Variants in EPB41L2 observed in about 807,000 individuals in gnomAD.
EPB41L2 encodes the protein band 4.1-like protein 2.
Under a neutral mutation model 113.0 loss-of-function variants are expected in EPB41L2, and 43 were observed. The ratio of observed to expected loss-of-function variants is 0.38; its 90% CI spans 0.30 to 0.49. EPB41L2 has a LOEUF of 0.49. EPB41L2 is among the 20% of genes least tolerant of loss of function. The pLI is 0.95. For missense variants in EPB41L2, 1,147 were observed against 1,223.4 expected (o/e 0.94, Z 0.93); for synonymous variants, 442 against 436.7 (o/e 1.01, Z -0.15).
chr6:131,033,058 T>C (rs1792542280), intron 1 of EPB41L2, among the ~76,000 whole-genome samples: 1 of 151,988 alleles, frequency 6.6e-6, no homozygotes, highest in African/African-American at 2.4e-5. Context: ...GTAGTTTTAG[T>C]AGAGACAGGG....
At position 130,878,219 on chromosome 6, in the gene EPB41L2, T is replaced by C; in HGVS notation, c.1928A>G (p.Lys643Arg). The C allele has an allele frequency of 6.2e-7, 1 of 1,613,070 alleles. No homozygotes were observed. Among genetic ancestry groups the C allele is most frequent in the Non-Finnish European group, 8.5e-7 (1 of 1,179,616 alleles). The change falls in exon 14 of 20, where the codon AAA becomes AGA. Residue 643 changes from lysine (K) to arginine (R), a missense_variant. Physicochemically the swap from Lys to Arg is conservative, Grantham distance 26. Transcript: ENST00000337057. ...GAGTTCACTAATGCTAGCCTGATGT[T>C]TCAGTATGTCCTCCTGGGCCTTATC... The part of the protein sequence containing the change: ...ELDKAQEDIL[K>R]HQASISELKR...
rs770241476 is a variant in EPB41L2, at chr6:130,908,887, T to A, written c.811-24A>T. ...TTCTGCATGAGGGAAAAAAATTAAT[T>A]CATAAGAAATATTCTAGAGTCTAAA... is the stretch of plus-strand genomic sequence containing the variant. On this transcript the variant is annotated intron_variant, in intron 4 of 19. Coordinates refer to ENST00000337057, the MANE Select transcript of EPB41L2 (RefSeq NM_001431.4). The A allele has an allele frequency of 6.4e-6, 10 of 1,557,856 alleles. No individual in the cohort carries two copies. In the East Asian group the frequency reaches 1.6e-4, roughly 25 times the overall value.
At chr6:130,932,037 C>A (rs1311365839) in intron 3 of EPB41L2, among the ~76,000 whole-genome samples, 3 of 152,094 alleles carry the variant, frequency 2.0e-5, no homozygotes, top group Non-Finnish European at 4.4e-5. Context: ...AAATGTTTGG[C>A]TTATTACATG....
At chr6:131,023,883 T>C (rs1790210978) in intron 1 of EPB41L2, among the ~76,000 whole-genome samples, 1 of 151,946 alleles carries the variant, frequency 6.6e-6, no homozygotes, top group African/African-American at 2.4e-5. Context: ...AAACAAATAT[T>C]GGAGAAAACT....
chr6:131,004,144 C>T (rs1784945145), intron 1 of EPB41L2, among the ~76,000 whole-genome samples: 1 of 152,136 alleles, frequency 6.6e-6, no homozygotes, highest in Admixed American at 6.5e-5. Flanking sequence ...ACAGTCCCTG[C>T]TTCATGATAG....
chr6:130,931,236 C>T (rs1806725810), intron 3 of EPB41L2, among the ~76,000 whole-genome samples: 3 of 152,056 alleles, frequency 2.0e-5, no homozygotes, highest in Admixed American at 2.0e-4. Flanking sequence ...ATTTATTAAT[C>T]TACAATGATT....
chr6:131,018,394 A>C (rs1788719036), intron 1 of EPB41L2, among the ~76,000 whole-genome samples: 1 of 152,178 alleles, frequency 6.6e-6, no homozygotes, highest in Non-Finnish European at 1.5e-5. Flanking sequence ...AGCTATTTCT[A>C]AATGGGCACA....
At chr6:130,896,074 G>A (rs902655454) in intron 8 of EPB41L2, among the ~76,000 whole-genome samples, 5 of 152,110 alleles carry the variant, frequency 3.3e-5, no homozygotes, top group Non-Finnish European at 5.9e-5. Context: ...CACAAAAAAT[G>A]TTGCAACAAA....
Position 130,931,785 on chromosome 6 carries a change from C to T in EPB41L2, c.706-5076G>A, listed in dbSNP as rs533703851. On this transcript the variant is annotated intron_variant, in intron 3 of 19. Coordinates refer to ENST00000337057, the MANE Select transcript of EPB41L2 (RefSeq NM_001431.4). ...AAATTGTTCCTCAAAATAGTTCTTC[C>T]TTTCCCCCGAGATTCTGGTATGTTC... Among the ~76,000 whole-genome samples, 12 of 152,226 alleles carry T rather than the reference C, an allele frequency of 7.9e-5. No individual in the cohort carries two copies. The South Asian group carries it at 1.9e-3, about 24-fold the overall frequency.
intron 5 of EPB41L2, among the ~76,000 whole-genome samples, chr6:130,907,053 C>T (rs1220341963): frequency 6.6e-6 from 1 of 152,014 alleles, no homozygotes; most frequent in Non-Finnish European, 1.5e-5. Flanking sequence ...GTTAGGAAAT[C>T]TCCATGACTC....
chr6:130,997,028 G>GTA (rs756118091), intron 1 of EPB41L2, among the ~76,000 whole-genome samples: 2 of 152,170 alleles, frequency 1.3e-5, no homozygotes, highest in African/African-American at 2.4e-5. Context: ...GTGCCATGTG[G>GTA]TATAGATTTA....
chr6:130,987,590 G>A (rs112877462), intron 1 of EPB41L2, among the ~76,000 whole-genome samples: 2,656 of 152,206 alleles, frequency 0.017, 90 homozygotes, highest in African/African-American at 0.06. Flanking sequence ...CTACTCCGGA[G>A]GCTGAGGCAG....
At chr6:130,988,317 T>G (rs774183958) in intron 1 of EPB41L2, among the ~76,000 whole-genome samples, 16 of 152,206 alleles carry the variant, frequency 1.1e-4, no homozygotes, top group Non-Finnish European at 2.1e-4. Context: ...CTTTCAGGCA[T>G]ACTGAGTTTG....
At chr6:130,991,699 C>T (rs970010025) in intron 1 of EPB41L2, among the ~76,000 whole-genome samples, 5 of 151,986 alleles carry the variant, frequency 3.3e-5, no homozygotes, top group African/African-American at 1.2e-4. Context: ...AAATCATGGC[C>T]AAAAATAATA....
intron 1 of EPB41L2, among the ~76,000 whole-genome samples, chr6:130,972,836 G>A (rs918494779): frequency 2.7e-5 from 4 of 146,404 alleles, no homozygotes; most frequent in Non-Finnish European, 6.0e-5. Context: ...CGCCTGTAAT[G>A]TAATCCCAGC....
At chr6:130,932,482 AT>A (rs780432360) in intron 3 of EPB41L2, among the ~76,000 whole-genome samples, 20 of 152,206 alleles carry the variant, frequency 1.3e-4, no homozygotes, top group Non-Finnish European at 2.6e-4. Context: ...ATTTTGGGGT[AT>A]TGCCCCAGAT....
intron 19 of EPB41L2, among the ~76,000 whole-genome samples, chr6:130,852,591 T>C (rs1779087905): frequency 6.6e-6 from 1 of 152,128 alleles, no homozygotes; most frequent in Admixed American, 6.6e-5. Context: ...GATGTGTGAT[T>C]CTCCTCTGCT....
chr6:130,962,838 G>T (rs187055856), intron 1 of EPB41L2, among the ~76,000 whole-genome samples: 3 of 152,162 alleles, frequency 2.0e-5, no homozygotes, highest in Admixed American at 1.3e-4. Flanking sequence ...GGCCTCAAGG[G>T]TAGCTTCTAT....
intron 1 of EPB41L2, among the ~76,000 whole-genome samples, chr6:130,964,514 ATG>A (rs1240550622): frequency 1.3e-5 from 2 of 152,132 alleles, no homozygotes; most frequent in Non-Finnish European, 2.9e-5. Flanking sequence ...AGGATACAAA[ATG>A]TACTCACTGG....
Sources: gnomAD v4.1 joint callset for allele counts (sites outside exome capture counted in the v4.1 genomes callset) on GRCh38, gnomAD v4.1.1 for gene constraint, MANE v1.5 for transcripts, NCBI Gene and HGNC (gene_info 2026-07-23, HGNC 2026-07-21) for gene names.